FCGR1A: variants seen among roughly 807,000 people sequenced by gnomAD.
The protein encoded by FCGR1A is high affinity immunoglobulin gamma Fc receptor I.
Under a neutral mutation model 35.0 loss-of-function variants are expected in FCGR1A, and 13 were observed. The observed-to-expected ratio is 0.37, with a 90% CI of 0.24 to 0.59. The LOEUF (loss-of-function observed/expected upper bound fraction) is 0.59, where lower values mean the gene tolerates loss of function less well. Among genes scored for constraint, FCGR1A ranks in the 20% least tolerant of loss-of-function variants. FCGR1A has a pLI of 0.71. For synonymous variants in FCGR1A, 91 were observed against 164.7 expected, an observed-to-expected ratio of 0.55 and a Z score of 3.43; for missense variants, 227 against 430.0, an observed-to-expected ratio of 0.53 and a Z score of 4.17.
chr1:149,793,345 G>C (rs1440350604), downstream of FCGR1A: 1 of 1,146,880 alleles, frequency 8.7e-7, no homozygotes, highest in African/African-American at 1.7e-5. Flanking sequence ...AAAGCAGGAA[G>C]GGAGCTGGCT....
At chr1:149,794,360 G>GC (rs587623910), downstream of FCGR1A, among the ~76,000 whole-genome samples, 7 of 151,704 alleles carry the variant, frequency 4.6e-5, no homozygotes, top group South Asian at 1.2e-3. Flanking sequence ...GAACGGGGTA[G>GC]CAAGAAGCGA....
chr1:149,784,935 C>T (rs2091501646), intron 3 of FCGR1A, among the ~76,000 whole-genome samples: 1 of 151,846 alleles, frequency 6.6e-6, no homozygotes, highest in Non-Finnish European at 1.5e-5. Context: ...ATTTTACAAG[C>T]ATTGCTGCAA....
Position 149,784,136 on chromosome 1 carries a change from C to T in FCGR1A, c.186C>T (p.Ala62=), listed in dbSNP as rs1553750516. 1 of 1,611,750 alleles carries T rather than the reference C, an allele frequency of 6.2e-7. No homozygotes were observed. ...CACAGTGGTTTCTCAATGGCACAGC[C>T]ACTCAGACCTCGACCCCCAGCTACA... ...SSTQWFLNGT[A]TQTSTPSYRI... The change falls in exon 3 of 6, where the codon GCC becomes GCT. Residue 62 remains alanine, a synonymous_variant. Coordinates refer to ENST00000369168, the MANE Select transcript of FCGR1A (RefSeq NM_000566.4).
intron 4 of FCGR1A, among the ~76,000 whole-genome samples, chr1:149,789,491 G>C (rs1553751394): frequency 6.6e-6 from 1 of 152,192 alleles, no homozygotes; most frequent in Admixed American, 6.5e-5. Context: ...ACTGCCAAAA[G>C]GGCATGGTTA....
At chr1:149,789,983 G>A (rs1347561326) in intron 4 of FCGR1A, 71 bp from the exon 5 acceptor site, 66 of 1,612,836 alleles carry the variant, frequency 4.1e-5, no homozygotes, top group Admixed American at 3.3e-5. Context: ...AGGGGGTAAA[G>A]GGCATGTCTT....
At chr1:149,793,871 G>T, downstream of FCGR1A, 2 of 1,283,676 alleles carry the variant, frequency 1.6e-6, no homozygotes, top group South Asian at 2.5e-5. Context: ...ACCGGTTTGG[G>T]GTAAAACAGG....
intron 4 of FCGR1A, among the ~76,000 whole-genome samples, chr1:149,789,034 C>G (rs2091627750): frequency 6.6e-6 from 1 of 151,876 alleles, no homozygotes; most frequent in Non-Finnish European, 1.5e-5. Context: ...ATCTACCTCT[C>G]AGGGACAAAG....
At chr1:149,797,577 C>T in the FCGR1A span, among the ~76,000 whole-genome samples, 1 of 152,164 alleles carries the variant, frequency 6.6e-6, no homozygotes, top group Non-Finnish European at 1.5e-5. Context: ...CTACTTTCCA[C>T]AGGTTTTTGT....
the FCGR1A span, among the ~76,000 whole-genome samples, chr1:149,797,074 G>C: frequency 6.6e-6 from 1 of 151,980 alleles, no homozygotes; most frequent in Non-Finnish European, 1.5e-5. Flanking sequence ...CACCACACCC[G>C]GCTAATTTTT....
intron 4 of FCGR1A, among the ~76,000 whole-genome samples, chr1:149,789,780 A>G (rs587594169): frequency 9.2e-5 from 14 of 152,242 alleles, no homozygotes; most frequent in Non-Finnish European, 2.1e-4. Flanking sequence ...CCGGCTGTGG[A>G]AAAGTTGCCT....
chr1:149,793,925 A>C (rs2091769662), downstream of FCGR1A: 1 of 1,285,312 alleles, frequency 7.8e-7, no homozygotes, highest in Non-Finnish European at 1.0e-6. Context: ...AAATGCCTTC[A>C]GGATTTAGGA....
chr1:149,799,810 G>A, the FCGR1A span, among the ~76,000 whole-genome samples: 8 of 152,094 alleles, frequency 5.3e-5, no homozygotes, highest in South Asian at 2.1e-4. Context: ...TCATGAGGAC[G>A]GAGAAACTCA....
In FCGR1A at chr1:149,791,608, A is replaced by G; in HGVS notation, c.*91A>G. ...CGTACAAACATCCAAAAGTTCAACA[A>G]CACCAGAACTGTGTGTCTCATGGTA... On this transcript the variant is annotated 3_prime_UTR_variant, in exon 6 of 6. Transcript: ENST00000369168. 3.2e-6 allele frequency: 5 copies of G among 1,539,510 alleles called. No individual in the cohort carries two copies. The highest frequency in any genetic ancestry group is 1.4e-5 in the African/African-American group (1 of 70,622).
chr1:149,785,079 G>A (rs1379781958), intron 3 of FCGR1A, among the ~76,000 whole-genome samples: 9 of 152,202 alleles, frequency 5.9e-5, no homozygotes, highest in Non-Finnish European at 1.3e-4. Context: ...AACCTGTAAG[G>A]AGTTTCTATT....
chr1:149,788,556 C>T lies in FCGR1A; in HGVS notation c.498C>T (p.Tyr166=). 6.2e-7 allele frequency: 1 copy of T among 1,613,936 alleles called. No homozygotes were observed. Among genetic ancestry groups the T allele is most frequent in the Non-Finnish European group, 8.5e-7 (1 of 1,179,860 alleles). The change falls in exon 4 of 6, where the codon TAC becomes TAT. Residue 166 remains tyrosine (Y), a synonymous_variant. Coordinates refer to ENST00000369168, the MANE Select transcript of FCGR1A (RefSeq NM_000566.4). The part of the protein sequence containing the change: ...LKTNISHNGT[Y]HCSGMGKHRY... ...CCAACATAAGTCACAATGGCACCTA[C>T]CATTGCTCAGGCATGGGAAAGCATC...
rs782759865 is a variant in FCGR1A at position 149,790,071 on chromosome 1, G to T, written c.577G>T (p.Val193Leu). 1 of 1,613,806 alleles carries T rather than the reference G, an allele frequency of 6.2e-7. No individual in the cohort carries two copies. The highest frequency in any genetic ancestry group is 1.3e-5 in the African/African-American group (1 of 74,848). Residue 193 changes from valine (V) to leucine (L), a missense_variant, in exon 5 of 6, where the codon GTG becomes TTG. Val to Leu is a conservative substitution (Grantham distance 32). Transcript: ENST00000369168. ...CTCCTTAGAGCTATTTCCAGCTCCA[G>T]TGCTGAATGCATCTGTGACATCCCC... The part of the protein sequence containing the change: ...VTVKELFPAP[V>L]LNASVTSPLL...
At chr1:149,786,869 T>C (rs1319557403) in intron 3 of FCGR1A, 2 of 152,224 alleles carry the variant, frequency 1.3e-5, no homozygotes, top group African/African-American at 4.8e-5. Context: ...TTAAACATGG[T>C]ATCAGTTCAT....
At position 149,785,410 on chromosome 1, in the gene FCGR1A, T is replaced by C. The variant is rs78161322; in HGVS notation, c.307+1153T>C. ...AGGGAAGCTGACAGAGCTGTTTCGTTTTTTTTTTTTTTTTTTTTTTTTTTG... is the reference window on the plus strand; with the variant it reads ...AGGGAAGCTGACAGAGCTGTTTCGTCTTTTTTTTTTTTTTTTTTTTTTTTG... On this transcript the variant is annotated intron_variant, in intron 3 of 5. Coordinates refer to ENST00000369168, the MANE Select transcript of FCGR1A (RefSeq NM_000566.4). Among the ~76,000 whole-genome samples, 16 of 121,956 alleles carry C rather than the reference T, an allele frequency of 1.3e-4. 1 individual carries two copies. The highest frequency in any genetic ancestry group is 3.7e-4 in the African/African-American group (11 of 30,054). The allele number at this position is 121,956 out of a possible 152,430, so 80.0% of individuals were successfully genotyped here.
At chr1:149,785,463 C>G (rs1357200027) in intron 3 of FCGR1A, among the ~76,000 whole-genome samples, 3 of 127,854 alleles carry the variant, frequency 2.3e-5, no homozygotes, top group East Asian at 2.4e-4. Flanking sequence ...GTTGCCCAGG[C>G]TGGAATGCAG....
Sources: allele counts gnomAD v4.1 joint callset (sites outside exome capture counted in the v4.1 genomes callset), GRCh38; gene constraint gnomAD v4.1.1; transcripts MANE v1.5; gene names NCBI Gene and HGNC (gene_info 2026-07-23, HGNC 2026-07-21).